The following KHDRBS2 variants were observed in gnomAD, a reference collection of about 807,000 sequenced individuals.
KHDRBS2 encodes the protein KH RNA binding domain containing, signal transduction associated 2.
KHDRBS2 carries 26 observed loss-of-function variants against 44.3 expected under a neutral mutation model. The ratio of observed to expected loss-of-function variants is 0.59; its 90% CI spans 0.43 to 0.81. The LOEUF is 0.81. Among genes scored for constraint, KHDRBS2 ranks in the 40% least tolerant of loss-of-function variants. The pLI, the probability that KHDRBS2 is intolerant of heterozygous loss-of-function variation, is 0.00. For missense variants in KHDRBS2, 476 were observed against 433.1 expected (o/e 1.10, Z -0.88); for synonymous variants, 194 against 151.1 (o/e 1.28, Z -2.08).
intron 6 of KHDRBS2, among the ~76,000 whole-genome samples, chr6:61,827,586 G>C (rs1018868320): frequency 1.3e-5 from 2 of 152,066 alleles, no homozygotes; most frequent in African/African-American, 4.8e-5. Context: ...GTATATATTT[G>C]TCCACTCGGG....
At chr6:61,702,812 C>T (rs992323645) in intron 7 of KHDRBS2, among the ~76,000 whole-genome samples, 6 of 151,812 alleles carry the variant, frequency 4.0e-5, no homozygotes, top group South Asian at 2.1e-4. Flanking sequence ...CACTTATTTA[C>T]GTATTAATCT....
the KHDRBS2 span, among the ~76,000 whole-genome samples, chr6:61,564,341 G>A: frequency 6.6e-6 from 1 of 152,128 alleles, no homozygotes; most frequent in African/African-American, 2.4e-5. Flanking sequence ...AACAAACTGG[G>A]CAGAAATCCA....
chr6:61,556,622 G>A, the KHDRBS2 span, among the ~76,000 whole-genome samples: 2 of 151,838 alleles, frequency 1.3e-5, no homozygotes, highest in Non-Finnish European at 2.9e-5. Flanking sequence ...ACCTAATTCA[G>A]CTTACAGCAT....
the KHDRBS2 span, among the ~76,000 whole-genome samples, chr6:61,576,077 C>T: frequency 7.2e-6 from 1 of 138,580 alleles, no homozygotes. Flanking sequence ...TAACCAGAAA[C>T]CACTTGTTCC....
At chr6:61,617,078 G>A in the KHDRBS2 span, among the ~76,000 whole-genome samples, 2 of 152,106 alleles carry the variant, frequency 1.3e-5, no homozygotes, top group Admixed American at 6.5e-5. Flanking sequence ...TGAGGATGTA[G>A]ATGCAGATGC....
intron 6 of KHDRBS2, among the ~76,000 whole-genome samples, chr6:61,806,974 C>T (rs185958871): frequency 2.5e-4 from 38 of 152,148 alleles, no homozygotes; most frequent in African/African-American, 8.7e-4. Flanking sequence ...GAAAAGTCTA[C>T]ATTACCTTGA....
At chr6:61,613,391 A>G in the KHDRBS2 span, among the ~76,000 whole-genome samples, 4 of 152,174 alleles carry the variant, frequency 2.6e-5, no homozygotes, top group Non-Finnish European at 4.4e-5. Flanking sequence ...TGATAATATC[A>G]TAGAATGCTT....
chr6:61,585,035 T>C, the KHDRBS2 span, among the ~76,000 whole-genome samples: 6 of 152,038 alleles, frequency 3.9e-5, no homozygotes, highest in African/African-American at 1.4e-4. Context: ...ATTCCTTTCA[T>C]GGAAAAATAG....
chr6:61,692,989 T>C (rs1767529132), intron 8 of KHDRBS2, among the ~76,000 whole-genome samples: 3 of 152,138 alleles, frequency 2.0e-5, no homozygotes, highest in African/African-American at 7.2e-5. Flanking sequence ...CAGTCTACGA[T>C]ACGACCACAA....
chr6:61,607,520 C>CAAAAAAAAAAAAAAAAAA, the KHDRBS2 span, among the ~76,000 whole-genome samples: 18 of 41,110 alleles, frequency 4.4e-4, 3 homozygotes, highest in African/African-American at 6.2e-4. Context: ...GAGTTCCAAG[C>CAAAAAAAAAAAAAAAAAA]AAAAAAAAAA....
chr6:61,698,870 C>T (rs2127544706), intron 7 of KHDRBS2, among the ~76,000 whole-genome samples: 1 of 152,172 alleles, frequency 6.6e-6, no homozygotes, highest in Non-Finnish European at 1.5e-5. Context: ...TTTTCCCATT[C>T]TTTCAGAGCT....
chr6:61,756,669 T>C (rs984524492), intron 6 of KHDRBS2, among the ~76,000 whole-genome samples: 4 of 152,350 alleles, frequency 2.6e-5, no homozygotes, highest in Non-Finnish European at 5.9e-5. Context: ...TTTTGCTAAA[T>C]GGTTAGACTT....
intron 6 of KHDRBS2, among the ~76,000 whole-genome samples, chr6:61,834,179 T>G (rs1456931611): frequency 1.3e-5 from 2 of 152,028 alleles, no homozygotes; most frequent in Non-Finnish European, 2.9e-5. Flanking sequence ...TACTAAACAT[T>G]AATATCTCCA....
At chr6:61,624,028 A>T in the KHDRBS2 span, among the ~76,000 whole-genome samples, 1 of 152,204 alleles carries the variant, frequency 6.6e-6, no homozygotes, top group African/African-American at 2.4e-5. Context: ...CTAACACTGG[A>T]AAAGAAAAAG....
chr6:61,892,577 G>C (rs947492369), intron 6 of KHDRBS2, among the ~76,000 whole-genome samples: 16 of 152,146 alleles, frequency 1.1e-4, no homozygotes, highest in African/African-American at 3.9e-4. Flanking sequence ...GAACAGAACA[G>C]AGTCCTAAGA....
At chr6:62,197,586 T>G (rs1425903253) in intron 1 of KHDRBS2, among the ~76,000 whole-genome samples, 1 of 152,052 alleles carries the variant, frequency 6.6e-6, no homozygotes, top group Non-Finnish European at 1.5e-5. Context: ...TTTTTCAGAC[T>G]AATAAACATG....
rs574390184 is a variant in KHDRBS2, at chr6:61,884,848, C to A, written c.810+9787G>T. On this transcript the variant is annotated intron_variant, in intron 6 of 8. Coordinates refer to ENST00000281156, the MANE Select transcript of KHDRBS2 (RefSeq NM_152688.4). ...TTTAAACAATCTCTCCCTGCTCTGT[C>A]CCCCCATAGAGATGTGTATTTTCCT... 1.6e-3 allele frequency among the ~76,000 whole-genome samples: 241 copies of A among 152,174 alleles called. 2 individuals are homozygous for A. The highest frequency in any genetic ancestry group is 3.0e-3 in the Non-Finnish European group (204 of 67,976).
At chr6:62,158,815 T>C (rs1388718034) in intron 2 of KHDRBS2, among the ~76,000 whole-genome samples, 2 of 152,136 alleles carry the variant, frequency 1.3e-5, no homozygotes, top group Admixed American at 6.6e-5. Flanking sequence ...ATTTTTTTCA[T>C]ATTCTTGCTT....
intron 6 of KHDRBS2, among the ~76,000 whole-genome samples, chr6:61,877,335 T>C (rs1015598664): frequency 3.9e-5 from 6 of 151,960 alleles, no homozygotes; most frequent in African/African-American, 1.2e-4. Context: ...ACACACTTCC[T>C]ATAGAGTGTC....
Sources: gnomAD v4.1 joint callset for allele counts (sites outside exome capture counted in the v4.1 genomes callset) on GRCh38, gnomAD v4.1.1 for gene constraint, MANE v1.5 for transcripts, NCBI Gene and HGNC (gene_info 2026-07-23, HGNC 2026-07-21) for gene names.